Variants in MYO5A observed in about 807,000 individuals in gnomAD.
The protein encoded by MYO5A is unconventional myosin-Va.
A neutral mutation model predicts 249.7 loss-of-function variants in MYO5A; 98 were observed. The observed-to-expected ratio is 0.39, with a 90% CI of 0.33 to 0.46. MYO5A has a LOEUF of 0.46. Ranked by LOEUF, MYO5A falls within the 20% of genes least tolerant of loss-of-function variation. MYO5A has a pLI of 0.98. For synonymous variants in MYO5A, 778 were observed against 810.6 expected (o/e 0.96, Z 0.68); for missense variants, 1,696 against 2,308.8 (o/e 0.73, Z 5.44).
intron 38 of MYO5A, 137 bp from the exon 39 acceptor site, chr15:52,319,479 G>A: frequency 1.0e-6 from 1 of 998,202 alleles, no homozygotes; most frequent in Non-Finnish European, 1.5e-6. Context: ...TGTAATCCCA[G>A]CACTTTGGGA....
chr15:52,416,346 A>G (rs1301437619), intron 4 of MYO5A, 45 bp from the exon 5 acceptor site: 21 of 1,586,542 alleles, frequency 1.3e-5, no homozygotes, highest in African/African-American at 6.7e-5. Flanking sequence ...ATTGCTGCCT[A>G]TAGCAGGATT....
chr15:52,466,754 C>T (rs78344076), intron 1 of MYO5A, among the ~76,000 whole-genome samples: 1 of 152,184 alleles, frequency 6.6e-6, no homozygotes, highest in African/African-American at 2.4e-5. Flanking sequence ...CTTTGCCCCC[C>T]ACTCCAAGAT....
Position 52,408,145 on chromosome 15 carries a change from G to A in MYO5A, c.757-5C>T, listed in dbSNP as rs571680559. 4.3e-5 allele frequency: 68 copies of A among 1,564,660 alleles called. No homozygotes were observed. The highest frequency in any genetic ancestry group is 8.1e-5 in the African/African-American group (6 of 74,020). On this transcript the variant is annotated splice_polypyrimidine_tract_variant and splice_region_variant and intron_variant, in intron 6 of 41. Coordinates refer to ENST00000399233, the MANE Select transcript of MYO5A (RefSeq NM_001382347.1). The stretch of plus-strand genomic sequence containing the variant: ...ATAGTTTCTCTCCTCTTCTGCCTTC[G>A]AAATAAGAAGAGTTTTCAATTACAG...
chr15:52,395,441 T>G (rs2042448208), intron 11 of MYO5A, among the ~76,000 whole-genome samples: 1 of 152,082 alleles, frequency 6.6e-6, no homozygotes, highest in Non-Finnish European at 1.5e-5. Flanking sequence ...TTATTAAGGG[T>G]GTCTTTCCTG....
intron 1 of MYO5A, among the ~76,000 whole-genome samples, chr15:52,466,056 C>A (rs185573818): frequency 2.6e-5 from 4 of 152,234 alleles, no homozygotes; most frequent in African/African-American, 9.6e-5. Context: ...TACCTTGCCC[C>A]TTCTAAGCCC....
In MYO5A at chr15:52,456,717, G is replaced by A. The variant is rs186146995; in HGVS notation, c.28-23432C>T. Among the ~76,000 whole-genome samples, 223 of 152,212 alleles carry A rather than the reference G, an allele frequency of 1.5e-3. 2 individuals are homozygous for A. Among genetic ancestry groups the A allele is most frequent in the Non-Finnish European group, 1.3e-3 (86 of 68,008 alleles). ...AAAAAAGCACCAAGTACGTACAATT[G>A]GGAAGGACAGTCACCTCAATAGATG... On this transcript the variant is annotated intron_variant, in intron 1 of 41. Coordinates refer to ENST00000399233, the MANE Select transcript of MYO5A (RefSeq NM_001382347.1).
At chr15:52,350,955 ATAAAATTTTATTTTAGAT>A (rs2039918842) in intron 28 of MYO5A, among the ~76,000 whole-genome samples, 1 of 152,206 alleles carries the variant, frequency 6.6e-6, no homozygotes. Context: ...TTTGTATTTA[ATAAAATTTTATTTTAGAT>A]TAAAATTTAT....
intron 18 of MYO5A, among the ~76,000 whole-genome samples, chr15:52,376,877 G>A (rs1000523508): frequency 3.9e-5 from 6 of 152,192 alleles, no homozygotes; most frequent in African/African-American, 1.4e-4. Context: ...TCAAGGAAAT[G>A]GAGATGCTGA....
At chr15:52,377,982 T>C (rs976397029) in intron 18 of MYO5A, among the ~76,000 whole-genome samples, 1 of 152,152 alleles carries the variant, frequency 6.6e-6, no homozygotes, top group Non-Finnish European at 1.5e-5. Flanking sequence ...CACATATATC[T>C]AAAAAATCTA....
chr15:52,504,888 C>CAA (rs200081974), intron 1 of MYO5A, among the ~76,000 whole-genome samples: 1 of 128,910 alleles, frequency 7.8e-6, no homozygotes, highest in Admixed American at 7.9e-5. Flanking sequence ...GACTCCATCT[C>CAA]AAAAAAAAAA....
intron 1 of MYO5A, among the ~76,000 whole-genome samples, chr15:52,509,309 C>T (rs2077343290): frequency 1.3e-5 from 2 of 152,240 alleles, no homozygotes; most frequent in South Asian, 4.1e-4. Context: ...AAGGCAGCAT[C>T]CTCATATTGG....
At chr15:52,408,844 T>G (rs2043125404) in intron 6 of MYO5A, among the ~76,000 whole-genome samples, 1 of 152,086 alleles carries the variant, frequency 6.6e-6, no homozygotes, top group African/African-American at 2.4e-5. Flanking sequence ...CAAGGTCAGG[T>G]TTGATGCCCA....
chr15:52,378,239 C>T (rs1448150106), intron 18 of MYO5A, among the ~76,000 whole-genome samples: 2 of 151,870 alleles, frequency 1.3e-5, no homozygotes, highest in Non-Finnish European at 2.9e-5. Flanking sequence ...GGGGATTGGG[C>T]AGGCTGGGCG....
intron 16 of MYO5A, among the ~76,000 whole-genome samples, chr15:52,382,274 T>C (rs571886633): frequency 6.6e-6 from 1 of 152,334 alleles, no homozygotes; most frequent in African/African-American, 2.4e-5. Context: ...GTACATGTAT[T>C]ACTTTTAAAA....
intron 1 of MYO5A, among the ~76,000 whole-genome samples, chr15:52,448,179 C>T (rs1348476227): frequency 1.3e-5 from 2 of 152,270 alleles, no homozygotes; most frequent in African/African-American, 4.8e-5. Context: ...AGAGGTGGAG[C>T]TGCCCAAGGC....
chr15:52,371,131 A>C (rs186441175), intron 21 of MYO5A, among the ~76,000 whole-genome samples: 17 of 151,230 alleles, frequency 1.1e-4, no homozygotes, highest in Admixed American at 2.0e-4. Context: ...AAACAAAAAA[A>C]AAAAACCCTC....
At chr15:52,521,599 T>A (rs2077622470) in intron 1 of MYO5A, among the ~76,000 whole-genome samples, 1 of 152,244 alleles carries the variant, frequency 6.6e-6, no homozygotes, top group South Asian at 2.1e-4. Flanking sequence ...TACAATGCAC[T>A]TCTCCCTTGA....
intron 4 of MYO5A, among the ~76,000 whole-genome samples, chr15:52,419,665 T>C (rs74014300): frequency 0.097 from 14,739 of 152,188 alleles, 818 homozygotes; most frequent in Middle Eastern, 0.16. Context: ...TGAAAACAAG[T>C]GTTTCCTAGA....
At chr15:52,488,270 C>T (rs1313590362) in intron 1 of MYO5A, among the ~76,000 whole-genome samples, 1 of 151,532 alleles carries the variant, frequency 6.6e-6, no homozygotes, top group Non-Finnish European at 1.5e-5. Flanking sequence ...CATTCTGAGC[C>T]ATTTGTAAAT....
Sources: gnomAD v4.1 joint callset for allele counts (sites outside exome capture counted in the v4.1 genomes callset) on GRCh38, gnomAD v4.1.1 for gene constraint, MANE v1.5 for transcripts, NCBI Gene and HGNC (gene_info 2026-07-23, HGNC 2026-07-21) for gene names.